The following MSI2 variants were observed in gnomAD, a reference collection of about 807,000 sequenced individuals.
MSI2 encodes the protein musashi RNA binding protein 2, also known as RNA-binding protein Musashi homolog 2.
Under a neutral mutation model 45.6 loss-of-function variants are expected in MSI2, and 17 were observed. The ratio of observed to expected loss-of-function variants is 0.37; its 90% CI spans 0.26 to 0.56. The LOEUF (loss-of-function observed/expected upper bound fraction) is 0.56. MSI2 is among the 20% of genes least tolerant of loss of function. The pLI is 0.77. For missense variants in MSI2, 293 were observed against 444.2 expected, an observed-to-expected ratio of 0.66 and a Z score of 3.06; for synonymous variants, 156 against 158.2, an observed-to-expected ratio of 0.99 and a Z score of 0.11.
chr17:57,538,226 C>A (rs1020734757), intron 7 of MSI2, among the ~76,000 whole-genome samples: 13 of 152,000 alleles, frequency 8.6e-5, no homozygotes, highest in African/African-American at 3.1e-4. Flanking sequence ...CTGCCAGTGG[C>A]CGGAGAGGGC....
chr17:57,605,366 G>C (rs1241529953), intron 8 of MSI2, among the ~76,000 whole-genome samples: 1 of 152,230 alleles, frequency 6.6e-6, no homozygotes, highest in African/African-American at 2.4e-5. Flanking sequence ...TGGCCTCCCA[G>C]TTGCCTGAGT....
intron 6 of MSI2, among the ~76,000 whole-genome samples, chr17:57,451,933 T>TG (rs1378610735): frequency 1.3e-5 from 2 of 152,128 alleles, no homozygotes; most frequent in Non-Finnish European, 2.9e-5. Flanking sequence ...AATGAAGCCT[T>TG]GGGGAAGAGG....
At chr17:57,400,930 G>A (rs551846545) in intron 5 of MSI2, among the ~76,000 whole-genome samples, 7 of 152,288 alleles carry the variant, frequency 4.6e-5, no homozygotes, top group African/African-American at 1.7e-4. Context: ...CCAGCACCAA[G>A]CACAAACAGC....
intron 5 of MSI2, among the ~76,000 whole-genome samples, chr17:57,297,770 C>G (rs986712832): frequency 6.6e-6 from 1 of 152,164 alleles, no homozygotes; most frequent in Admixed American, 6.5e-5. Context: ...ATTATTAATC[C>G]TTTGTTACCT....
At chr17:57,282,907 G>A (rs58507415) in intron 5 of MSI2, among the ~76,000 whole-genome samples, 29 of 148,312 alleles carry the variant, frequency 2.0e-4, no homozygotes, top group Middle Eastern at 3.2e-3. Context: ...GCCAGCTTAC[G>A]ACTTTAATAA....
chr17:57,427,788 CT>C (rs1473254759), intron 6 of MSI2, among the ~76,000 whole-genome samples: 2 of 152,156 alleles, frequency 1.3e-5, no homozygotes, highest in Non-Finnish European at 2.9e-5. Flanking sequence ...ATTTGATCGG[CT>C]TTTAATGGTT....
the MSI2 span, among the ~76,000 whole-genome samples, chr17:57,693,488 C>G: frequency 4.0e-4 from 61 of 152,162 alleles, no homozygotes; most frequent in Non-Finnish European, 7.2e-4. Flanking sequence ...TAAATTGTAT[C>G]AAGTTTACGG....
chr17:57,529,821 C>A lies in MSI2; in HGVS notation c.454+97C>A, dbSNP rs934943782. 6 of 1,016,678 alleles carry A rather than the reference C, an allele frequency of 5.9e-6. No individual in the cohort carries two copies. The highest frequency in any genetic ancestry group is 4.9e-5 in the African/African-American group (3 of 60,942). The allele number at this position is 1,016,678 out of a possible 1,614,324, so 63.0% of individuals were successfully genotyped here. On this transcript the variant is annotated intron_variant, in intron 7 of 13. Transcript: ENST00000284073. This position sits in a 1 kb window ranked among gnomAD's most constrained non-coding sequence, Gnocchi z 5.3. ...ACTGACAAAAGATACAGTGAAGAGT[C>A]CAGAGTCAAGCAGGTAGAGGTGACC...
chr17:57,340,782 C>T (rs1050658723), intron 5 of MSI2, among the ~76,000 whole-genome samples: 1 of 152,100 alleles, frequency 6.6e-6, no homozygotes, highest in Non-Finnish European at 1.5e-5. Context: ...ATGGGGACCA[C>T]GCAGGTACAC....
chr17:57,489,786 A>G (rs2085832593), intron 6 of MSI2, among the ~76,000 whole-genome samples: 2 of 152,210 alleles, frequency 1.3e-5, no homozygotes, highest in African/African-American at 2.4e-5. Flanking sequence ...TGGTGACCCA[A>G]CCTTTGCTAA....
At chr17:57,606,741 C>A (rs1219662465) in intron 8 of MSI2, among the ~76,000 whole-genome samples, 1 of 152,138 alleles carries the variant, frequency 6.6e-6, no homozygotes, top group African/African-American at 2.4e-5. Context: ...TAATAAAACA[C>A]TGAGCAGAGG....
intron 5 of MSI2, among the ~76,000 whole-genome samples, chr17:57,392,208 C>G (rs1483029500): frequency 6.6e-6 from 1 of 152,176 alleles, no homozygotes; most frequent in Non-Finnish European, 1.5e-5. Flanking sequence ...CAATAGGAGT[C>G]AGTGCTACTG....
At chr17:57,668,645 T>C (rs1161115611) in intron 11 of MSI2, among the ~76,000 whole-genome samples, 1 of 152,074 alleles carries the variant, frequency 6.6e-6, no homozygotes, top group Non-Finnish European at 1.5e-5. Context: ...CCGTGCAGTG[T>C]GTAAGAGGAG....
At chr17:57,599,933 C>T (rs1174532014) in intron 8 of MSI2, among the ~76,000 whole-genome samples, 1 of 152,210 alleles carries the variant, frequency 6.6e-6, no homozygotes, top group African/African-American at 2.4e-5. Context: ...TCTGTGTTAT[C>T]TCTTGCCATT....
chr17:57,358,216 T>G (rs570722531), intron 5 of MSI2, among the ~76,000 whole-genome samples: 1 of 152,138 alleles, frequency 6.6e-6, no homozygotes, highest in African/African-American at 2.4e-5. Context: ...TGTGTGTGTG[T>G]GTGTGTGTGT....
intron 6 of MSI2, chr17:57,522,704 G>A (rs1598361401): frequency 2.0e-5 from 3 of 152,218 alleles, no homozygotes; most frequent in African/African-American, 7.2e-5. Flanking sequence ...TGAGGATAGA[G>A]GAGGGAGGTG....
chr17:57,472,786 C>T (rs1348761800), intron 6 of MSI2, among the ~76,000 whole-genome samples: 4 of 152,218 alleles, frequency 2.6e-5, no homozygotes, highest in East Asian at 3.8e-4. Flanking sequence ...TCCCGTCACA[C>T]GGAGCTACCT....
intron 6 of MSI2, among the ~76,000 whole-genome samples, chr17:57,520,824 T>TTC (rs1400699105): frequency 1.1e-4 from 6 of 52,344 alleles, no homozygotes; most frequent in Middle Eastern, 0.014. Flanking sequence ...CAACTAAATT[T>TTC]TTTTTTTTTC....
chr17:57,452,891 T>A (rs928647331), intron 6 of MSI2, among the ~76,000 whole-genome samples: 1 of 151,796 alleles, frequency 6.6e-6, no homozygotes, highest in African/African-American at 2.4e-5. Flanking sequence ...GGTGGGGAAC[T>A]GGGATTTGGA....
Sources: allele counts gnomAD v4.1 joint callset (sites outside exome capture counted in the v4.1 genomes callset), GRCh38; gene constraint gnomAD v4.1.1; non-coding constraint Gnocchi (gnomAD v3.1); transcripts MANE v1.5; gene names NCBI Gene and HGNC (gene_info 2026-07-23, HGNC 2026-07-21).